Variants in CMTM8 observed in about 807,000 individuals in gnomAD.
The protein encoded by CMTM8 is CKLF like MARVEL transmembrane domain containing 8, also known as CKLF-like MARVEL transmembrane domain-containing protein 8.
In CMTM8, 12 loss-of-function variants were observed where a neutral mutation model predicts 18.6. The observed-to-expected ratio is 0.65, with a 90% CI of 0.41 to 1.05. CMTM8 has a LOEUF of 1.05. Ranked by LOEUF, CMTM8 falls within the 50% of genes least tolerant of loss-of-function variation. The pLI is 0.00. For synonymous variants in CMTM8, 87 were observed against 90.6 expected (o/e 0.96, Z 0.23); for missense variants, 217 against 227.2 (o/e 0.95, Z 0.29).
At chr3:32,268,568 A>T (rs1702386321) in intron 1 of CMTM8, among the ~76,000 whole-genome samples, 1 of 142,480 alleles carries the variant, frequency 7.0e-6, no homozygotes, top group Admixed American at 7.4e-5. Context: ...CGTTGTGCAC[A>T]TGTACCCTAG....
At chr3:32,351,557 A>G (rs1363715622) in intron 1 of CMTM8, among the ~76,000 whole-genome samples, 7 of 151,944 alleles carry the variant, frequency 4.6e-5, no homozygotes, top group Admixed American at 1.3e-4. Flanking sequence ...AGAAATGAAA[A>G]TCAAAAAGTT....
chr3:32,357,233 A>G (rs747288512), intron 1 of CMTM8, 140 bp from the exon 2 acceptor site: 45 of 758,566 alleles, frequency 5.9e-5, no homozygotes, highest in Admixed American at 1.7e-4. Flanking sequence ...GACGGGAGCG[A>G]GACTCCATCT....
At chr3:32,273,866 A>G (rs1280246515) in intron 1 of CMTM8, among the ~76,000 whole-genome samples, 2 of 152,188 alleles carry the variant, frequency 1.3e-5, no homozygotes, top group African/African-American at 4.8e-5. Flanking sequence ...AGTGGTTTTA[A>G]AAAAAGCTGG....
intron 1 of CMTM8, among the ~76,000 whole-genome samples, chr3:32,290,506 T>C (rs1487360032): frequency 6.6e-6 from 1 of 152,182 alleles, no homozygotes. Context: ...TTCTAAAATG[T>C]GTTATATGTG....
chr3:32,260,253 T>A, intron 1 of CMTM8: 1 of 1,303,476 alleles, frequency 7.7e-7, no homozygotes, highest in East Asian at 2.3e-5. Flanking sequence ...AGGGTACCCT[T>A]TGGGGATCAG....
intron 1 of CMTM8, among the ~76,000 whole-genome samples, chr3:32,325,952 T>A (rs1696142588): frequency 1.3e-5 from 2 of 152,168 alleles, no homozygotes; most frequent in Admixed American, 1.3e-4. Flanking sequence ...TGTCAGTGGC[T>A]TCAACCAGGA....
chr3:32,249,077 T>G (rs1702081124), intron 1 of CMTM8, among the ~76,000 whole-genome samples: 1 of 136,870 alleles, frequency 7.3e-6, no homozygotes, highest in Admixed American at 7.6e-5. Flanking sequence ...GTCTCACGCT[T>G]TCGCCCAGGC....
intron 1 of CMTM8, among the ~76,000 whole-genome samples, chr3:32,350,798 C>A (rs985978310): frequency 1.1e-4 from 17 of 152,188 alleles, no homozygotes; most frequent in Middle Eastern, 3.4e-3. Context: ...GTTGGGAATA[C>A]AGGCGTGAGC....
At chr3:32,243,941 G>A in intron 1 of CMTM8, 1 of 163,058 alleles carries the variant, frequency 6.1e-6, no homozygotes. Context: ...TCCAGCAAAT[G>A]CCAGACAGAG....
At chr3:32,366,842 G>A (rs988153523) in intron 2 of CMTM8, among the ~76,000 whole-genome samples, 17 of 123,672 alleles carry the variant, frequency 1.4e-4, no homozygotes, top group African/African-American at 4.2e-4. Flanking sequence ...GGACAGTTTC[G>A]GCAGCCTGAC....
At chr3:32,311,668 T>C (rs1434557944) in intron 1 of CMTM8, among the ~76,000 whole-genome samples, 1 of 152,224 alleles carries the variant, frequency 6.6e-6, no homozygotes, top group East Asian at 1.9e-4. Flanking sequence ...CCCACTTCTG[T>C]GGCCACATGT....
chr3:32,308,705 T>C (rs1215555951), intron 1 of CMTM8, among the ~76,000 whole-genome samples: 1 of 152,222 alleles, frequency 6.6e-6, no homozygotes, highest in African/African-American at 2.4e-5. Flanking sequence ...ATGTATGAGG[T>C]ACTCAAAATA....
chr3:32,355,306 C>G (rs1318756242), intron 1 of CMTM8, among the ~76,000 whole-genome samples: 1 of 152,162 alleles, frequency 6.6e-6, no homozygotes, highest in Non-Finnish European at 1.5e-5. Context: ...GAACAACACT[C>G]CTTTAGCCTG....
chr3:32,363,901 G>A (rs1368571614), intron 2 of CMTM8, among the ~76,000 whole-genome samples: 3 of 152,252 alleles, frequency 2.0e-5, no homozygotes, highest in Middle Eastern at 3.4e-3. Flanking sequence ...TAGACAAGGT[G>A]GGGAGGGAAA....
At chr3:32,294,662 C>T (rs988129502) in intron 1 of CMTM8, among the ~76,000 whole-genome samples, 3 of 152,228 alleles carry the variant, frequency 2.0e-5, no homozygotes, top group Admixed American at 2.0e-4. Context: ...ATTTAATAAA[C>T]ATCAGCTCCT....
At chr3:32,338,212 G>A (rs1208742895) in intron 1 of CMTM8, among the ~76,000 whole-genome samples, 2 of 151,982 alleles carry the variant, frequency 1.3e-5, no homozygotes, top group African/African-American at 4.8e-5. Flanking sequence ...TCGATCTCTT[G>A]ACCTTGTGAT....
chr3:32,309,750 T>C (rs1659310698), intron 1 of CMTM8, among the ~76,000 whole-genome samples: 1 of 152,258 alleles, frequency 6.6e-6, no homozygotes, highest in South Asian at 2.1e-4. Flanking sequence ...CTGTGGTTCA[T>C]CAGAAGTCCA....
intron 1 of CMTM8, among the ~76,000 whole-genome samples, chr3:32,339,849 G>A (rs1039816769): frequency 3.9e-5 from 6 of 152,130 alleles, no homozygotes; most frequent in African/African-American, 1.4e-4. Context: ...TGTAGTCCCA[G>A]CTACTCGGGA....
At chr3:32,339,272 C>T (rs1354989815) in intron 1 of CMTM8, among the ~76,000 whole-genome samples, 2 of 152,144 alleles carry the variant, frequency 1.3e-5, no homozygotes, top group Non-Finnish European at 2.9e-5. Flanking sequence ...TTTAGTTGAT[C>T]GTAGAACGTG....
Sources: gnomAD v4.1 joint callset for allele counts (sites outside exome capture counted in the v4.1 genomes callset) on GRCh38, gnomAD v4.1.1 for gene constraint, MANE v1.5 for transcripts, NCBI Gene and HGNC (gene_info 2026-07-23, HGNC 2026-07-21) for gene names.